Variants in WFDC10B observed in about 807,000 individuals in gnomAD.
WFDC10B encodes the protein protein WFDC10B.
A neutral mutation model predicts 2.7 loss-of-function variants in WFDC10B; 1 was observed. The ratio of observed to expected loss-of-function variants is 0.38; its 90% CI spans 0.13 to 1.79. The LOEUF (loss-of-function observed/expected upper bound fraction) is 1.79, where lower values mean the gene tolerates loss of function less well. WFDC10B is among the 40% of genes most tolerant of loss of function. The probability of loss-of-function intolerance (pLI) is 0.33; values close to 1 mark genes in which losing one functional copy is unlikely to be tolerated. For missense variants in WFDC10B, 71 were observed against 87.8 expected, an observed-to-expected ratio of 0.81 and a Z score of 0.76; for synonymous variants, 26 against 32.2, an observed-to-expected ratio of 0.81 and a Z score of 0.65.
At chr20:45,689,632 GCT>G (rs1268671524) in intron 2 of WFDC10B, among the ~76,000 whole-genome samples, 1 of 151,982 alleles carries the variant, frequency 6.6e-6, no homozygotes, top group Non-Finnish European at 1.5e-5. Context: ...TCATGATTTG[GCT>G]CTCTGTTTGT....
intron 3 of WFDC10B, among the ~76,000 whole-genome samples, chr20:45,685,356 T>C (rs927947710): frequency 6.6e-6 from 1 of 152,116 alleles, no homozygotes; most frequent in Non-Finnish European, 1.5e-5. Flanking sequence ...GAAAAGAAGA[T>C]GAACTTGCCT....
At chr20:45,695,242 G>A (rs551855608) in intron 2 of WFDC10B, among the ~76,000 whole-genome samples, 1 of 152,278 alleles carries the variant, frequency 6.6e-6, no homozygotes, top group African/African-American at 2.4e-5. Flanking sequence ...AAGCTGTGGG[G>A]TCTGCACTAA....
At chr20:45,702,563 T>C (rs1984209537) in intron 2 of WFDC10B, among the ~76,000 whole-genome samples, 1 of 152,220 alleles carries the variant, frequency 6.6e-6, no homozygotes, top group African/African-American at 2.4e-5. Context: ...GGCTCCTTCA[T>C]GGATGCTTGG....
chr20:45,700,278 A>G (rs1423013626), intron 2 of WFDC10B, among the ~76,000 whole-genome samples: 1 of 152,170 alleles, frequency 6.6e-6, no homozygotes, highest in African/African-American at 2.4e-5. Context: ...CAGAGTTGAG[A>G]GTTCAAGTAA....
intron 2 of WFDC10B, among the ~76,000 whole-genome samples, chr20:45,687,013 C>G (rs1983642029): frequency 6.6e-6 from 1 of 152,110 alleles, no homozygotes; most frequent in East Asian, 1.9e-4. Flanking sequence ...TATGATTGAG[C>G]TATATTTTTA....
intron 2 of WFDC10B, among the ~76,000 whole-genome samples, chr20:45,700,918 A>G (rs1024972762): frequency 6.6e-6 from 1 of 152,244 alleles, no homozygotes; most frequent in African/African-American, 2.4e-5. Context: ...CAAAGAAACC[A>G]TAATAAACAA....
In WFDC10B at chr20:45,686,048, C is replaced by A. The variant is rs1236739071; in HGVS notation, c.-56G>T. 8 of 1,592,648 alleles carry A rather than the reference C, an allele frequency of 5.0e-6. No homozygotes were observed. In the African/African-American group the frequency reaches 9.4e-5, roughly 19 times the overall value. ...GGCCAGGCAGTCACAGACTTCCCTG[C>A]AGAGCTGCCTGTGGAGAGGGAAGGA... On this transcript the variant is annotated 5_prime_UTR_variant, in exon 3 of 4. Coordinates refer to ENST00000330523, the MANE Select transcript of WFDC10B (RefSeq NM_172006.2).
Position 45,694,529 on chromosome 20 carries a change from A to G in WFDC10B, c.-64-8473T>C, listed in dbSNP as rs1415589945. Among the ~76,000 whole-genome samples, 9 of 152,396 alleles carry G rather than the reference A, an allele frequency of 5.9e-5. No homozygotes were observed. The East Asian group carries it at 1.2e-3, about 20-fold the overall frequency. ...ACCAAGCAATAGAGCTTCAAAATAT[A>G]TGAAGCAAACACCACAGGATTGAAG... On this transcript the variant is annotated intron_variant, in intron 2 of 3. Transcript: ENST00000330523.
intron 2 of WFDC10B, chr20:45,702,200 A>AGC: frequency 6.2e-7 from 1 of 1,612,488 alleles, no homozygotes; most frequent in African/African-American, 1.3e-5. Flanking sequence ...AGTCCCAAGC[A>AGC]GCGTGTTCTG....
At chr20:45,704,635 T>G in intron 1 of WFDC10B, 74 bp from the exon 2 acceptor site, 1 of 1,606,398 alleles carries the variant, frequency 6.2e-7, no homozygotes, top group Non-Finnish European at 8.5e-7. Flanking sequence ...CTAGAGCTGC[T>G]GGTGGGAGCC....
At chr20:45,685,101 A>G (rs1983564987) in intron 3 of WFDC10B, 141 bp from the exon 4 acceptor site, 3 of 1,034,890 alleles carry the variant, frequency 2.9e-6, no homozygotes, top group Non-Finnish European at 4.2e-6. Context: ...ACTTCCTTCC[A>G]GCCCATCACC....
chr20:45,687,946 C>T (rs1299988902), intron 2 of WFDC10B, among the ~76,000 whole-genome samples: 9 of 149,076 alleles, frequency 6.0e-5, no homozygotes, highest in African/African-American at 1.3e-4. Flanking sequence ...CATATGTATA[C>T]ATGTGACATG....
At chr20:45,698,414 A>G (rs6104296) in intron 2 of WFDC10B, among the ~76,000 whole-genome samples, 9,288 of 152,194 alleles carry the variant, frequency 0.061, 529 homozygotes, top group East Asian at 0.22. Context: ...CACAGTAACA[A>G]AAGAAAAAAA....
intron 2 of WFDC10B, among the ~76,000 whole-genome samples, chr20:45,700,121 A>G (rs1229760728): frequency 6.6e-6 from 1 of 152,220 alleles, no homozygotes; most frequent in Non-Finnish European, 1.5e-5. Flanking sequence ...ATGCCCAAAT[A>G]TAGGAGACTG....
intron 2 of WFDC10B, among the ~76,000 whole-genome samples, chr20:45,697,664 T>A (rs1376181789): frequency 6.6e-6 from 1 of 151,090 alleles, no homozygotes; most frequent in Non-Finnish European, 1.5e-5. Context: ...CATCCTATAT[T>A]CTATATTGGA....
Position 45,704,701 on chromosome 20 carries a change from T to C in WFDC10B, c.-129-140A>G, listed in dbSNP as rs62207178. Reference sequence around the variant, plus strand: ...CTGGATCTCTCCTTTTTTTTTTTTTTCCTTGGTGGCCATGTTGCCAACATG... The same window carrying C: ...CTGGATCTCTCCTTTTTTTTTTTTTCCCTTGGTGGCCATGTTGCCAACATG... On this transcript the variant is annotated intron_variant, in intron 1 of 3. Coordinates refer to ENST00000330523, the MANE Select transcript of WFDC10B (RefSeq NM_172006.2). The C allele has an allele frequency of 6.6e-5, 84 of 1,278,528 alleles. No individual in the cohort carries two copies. The South Asian group carries it at 8.0e-4, about 12-fold the overall frequency. The allele number at this position is 1,278,528 out of a possible 1,614,324, so 79.2% of individuals were successfully genotyped here.
Position 45,704,917 on chromosome 20 carries a change from C to A in WFDC10B, c.-130+1G>T, listed in dbSNP as rs73908189. The A allele has an allele frequency of 2.9e-3, 4,711 of 1,613,958 alleles. 137 individuals are homozygous for A. The African/African-American group carries it at 0.057, about 19-fold the overall frequency. ...CCACCCTTATCCCAGGGACACTGTACCTGCAGGTGTAACCAAAATCCCAAA... is the reference window on the plus strand; with the variant it reads ...CCACCCTTATCCCAGGGACACTGTAACTGCAGGTGTAACCAAAATCCCAAA... On this transcript the variant is annotated splice_donor_variant, in intron 1 of 3. Transcript: ENST00000330523. LOFTEE classifies it low-confidence loss of function (5UTR_SPLICE).
intron 2 of WFDC10B, among the ~76,000 whole-genome samples, chr20:45,691,340 A>T (rs1983805765): frequency 6.6e-6 from 1 of 151,618 alleles, no homozygotes; most frequent in Admixed American, 6.6e-5. Context: ...AGTTCTGTAG[A>T]TGTCTATTAG....
At chr20:45,701,983 G>A (rs997313795) in intron 2 of WFDC10B, 11 of 708,092 alleles carry the variant, frequency 1.6e-5, no homozygotes, top group African/African-American at 7.1e-5. Flanking sequence ...CTGCCCTGCC[G>A]GTTTTGATTG....
Sources: allele counts gnomAD v4.1 joint callset (sites outside exome capture counted in the v4.1 genomes callset), GRCh38; gene constraint gnomAD v4.1.1; transcripts MANE v1.5; gene names NCBI Gene and HGNC (gene_info 2026-07-23, HGNC 2026-07-21).